Variants in KCNIP1 observed in about 807,000 individuals in gnomAD.
The protein encoded by KCNIP1 is potassium voltage-gated channel interacting protein 1.
KCNIP1 carries 18 observed loss-of-function variants against 33.0 expected under a neutral mutation model. That is an observed-to-expected ratio of 0.55 (90% CI 0.38 to 0.81). The LOEUF is 0.81. KCNIP1 is among the 30% of genes least tolerant of loss of function. The pLI, the probability that KCNIP1 is intolerant of heterozygous loss-of-function variation, is 0.00. For missense variants in KCNIP1, 238 were observed against 271.6 expected, an observed-to-expected ratio of 0.88 and a Z score of 0.87; for synonymous variants, 93 against 98.3, an observed-to-expected ratio of 0.95 and a Z score of 0.32.
intron 1 of KCNIP1, among the ~76,000 whole-genome samples, chr5:170,392,189 A>T (rs2660657): frequency 0.066 from 10,112 of 152,102 alleles, 875 homozygotes; most frequent in African/African-American, 0.2. Context: ...ACAGCTAGCA[A>T]ATCTCACCGG....
intron 1 of KCNIP1, among the ~76,000 whole-genome samples, chr5:170,575,179 T>C (rs1757556094): frequency 6.6e-6 from 1 of 152,232 alleles, no homozygotes; most frequent in Admixed American, 6.5e-5. Flanking sequence ...TGAAGTTTAT[T>C]GGTTTTGCAG....
intron 1 of KCNIP1, among the ~76,000 whole-genome samples, chr5:170,591,118 T>C (rs1359216612): frequency 6.6e-6 from 1 of 152,202 alleles, no homozygotes; most frequent in Non-Finnish European, 1.5e-5. Flanking sequence ...CTCCAGACAA[T>C]GTTCTCTGTC....
intron 1 of KCNIP1, chr5:170,712,845 C>T (rs965052716): frequency 1.9e-6 from 3 of 1,613,806 alleles, no homozygotes; most frequent in Admixed American, 1.7e-5. Context: ...TTTTCTCACT[C>T]TTTCCTAGAC....
intron 1 of KCNIP1, among the ~76,000 whole-genome samples, chr5:170,515,496 G>A (rs577568735): frequency 4.6e-5 from 7 of 152,282 alleles, no homozygotes; most frequent in African/African-American, 1.4e-4. Context: ...TTGTCCCCAA[G>A]GAACTTCTCT....
In KCNIP1 at chr5:170,722,821, G is replaced by GT; in HGVS notation, c.435+2dup. On this transcript the variant is annotated splice_donor_variant, in intron 5 of 7. Coordinates refer to ENST00000328939, the MANE Select transcript of KCNIP1 (RefSeq NM_014592.4). LOFTEE classifies it high-confidence loss of function. ...CAAGGACGGATACATAAACAAAGAG[G>GT]TAAGTGAGCTGGGGCCAGGGGTGTG... is the stretch of plus-strand genomic sequence containing the variant. The GT allele has an allele frequency of 6.2e-7, 1 of 1,601,342 alleles. No homozygotes were observed. Among genetic ancestry groups the GT allele is most frequent in the Non-Finnish European group, 8.6e-7 (1 of 1,168,600 alleles).
chr5:170,466,713 A>G (rs563496889), intron 1 of KCNIP1, among the ~76,000 whole-genome samples: 81 of 152,256 alleles, frequency 5.3e-4, no homozygotes, highest in African/African-American at 1.8e-3. Context: ...ATGTTCTCAC[A>G]TGGTAGAGGA....
intron 5 of KCNIP1, among the ~76,000 whole-genome samples, chr5:170,728,025 G>T (rs1424041410): frequency 6.6e-6 from 1 of 152,182 alleles, no homozygotes; most frequent in African/African-American, 2.4e-5. Flanking sequence ...CAGTAGCAGA[G>T]AAAGCCTATT....
chr5:170,478,560 AGGCTTACT>A (rs1756907299), intron 1 of KCNIP1, among the ~76,000 whole-genome samples: 1 of 152,174 alleles, frequency 6.6e-6, no homozygotes, highest in East Asian at 1.9e-4. Flanking sequence ...CTGTGTCCGA[AGGCTTACT>A]GCAAGACTGT....
chr5:170,591,125 T>C (rs778186587), intron 1 of KCNIP1, among the ~76,000 whole-genome samples: 1 of 152,242 alleles, frequency 6.6e-6, no homozygotes, highest in Non-Finnish European at 1.5e-5. Flanking sequence ...CAATGTTCTC[T>C]GTCATTTTCC....
chr5:170,517,167 C>G (rs1008225871), intron 1 of KCNIP1, among the ~76,000 whole-genome samples: 1 of 152,088 alleles, frequency 6.6e-6, no homozygotes, highest in Non-Finnish European at 1.5e-5. Context: ...AGGAAACTTA[C>G]AACTGTGGCA....
At chr5:170,533,272 C>T (rs2113351937) in intron 1 of KCNIP1, among the ~76,000 whole-genome samples, 1 of 152,284 alleles carries the variant, frequency 6.6e-6, no homozygotes, top group African/African-American at 2.4e-5. Context: ...CCCAGCACCT[C>T]CCTCACCTCT....
intron 1 of KCNIP1, among the ~76,000 whole-genome samples, chr5:170,691,659 C>T (rs1762722783): frequency 6.6e-6 from 1 of 152,174 alleles, no homozygotes; most frequent in African/African-American, 2.4e-5. Context: ...CTGGAAATCA[C>T]ACAACAATTC....
At chr5:170,516,596 C>T (rs535661509) in intron 1 of KCNIP1, among the ~76,000 whole-genome samples, 3 of 152,306 alleles carry the variant, frequency 2.0e-5, no homozygotes, top group African/African-American at 4.8e-5. Context: ...TCACAAGATA[C>T]GAACATCAAA....
Position 170,720,214 on chromosome 5 carries a change from C to G in KCNIP1, c.187-107C>G. 1.6e-5 allele frequency: 12 copies of G among 766,918 alleles called. 1 individual carries two copies. The South Asian group carries it at 1.8e-4, about 12-fold the overall frequency. 47.5% of individuals were successfully genotyped at this position (766,918 alleles called of 1,614,324 possible). On this transcript the variant is annotated intron_variant, in intron 2 of 7. Transcript: ENST00000328939. ...TTGGGAGAAGTGGAAATGCACAGGT[C>G]CCTGTCCCTGGGGATCATGAGGAAC...
At position 170,733,924 on chromosome 5, in the gene KCNIP1, A is replaced by T. The variant is rs767322172; in HGVS notation, c.603+26A>T. 2.5e-6 allele frequency: 4 copies of T among 1,600,694 alleles called. No homozygotes were observed. In the African/African-American group the frequency reaches 5.4e-5, roughly 21 times the overall value. ...GTAAGGAGAGATCTCAGGGCACAATAACTCTACATCTGGGAAAGGAAACCT... is the reference window on the plus strand; with the variant it reads ...GTAAGGAGAGATCTCAGGGCACAATTACTCTACATCTGGGAAAGGAAACCT... On this transcript the variant is annotated intron_variant, in intron 7 of 7. Transcript: ENST00000328939.
At chr5:170,572,955 C>G (rs1424228088) in intron 1 of KCNIP1, among the ~76,000 whole-genome samples, 1 of 152,180 alleles carries the variant, frequency 6.6e-6, no homozygotes, top group Non-Finnish European at 1.5e-5. Context: ...CTCATAACAC[C>G]CACTGTTATA....
chr5:170,416,008 G>T (rs1415810997), intron 1 of KCNIP1, among the ~76,000 whole-genome samples: 2 of 152,012 alleles, frequency 1.3e-5, no homozygotes, highest in African/African-American at 4.8e-5. Context: ...GGAGAAGGGT[G>T]CTCCAAGAGC....
chr5:170,675,569 C>A (rs1050737116), intron 1 of KCNIP1, among the ~76,000 whole-genome samples: 1 of 152,108 alleles, frequency 6.6e-6, no homozygotes. Flanking sequence ...TGCAGTGAGC[C>A]GAGATTGTGC....
chr5:170,655,092 A>G (rs1581453545), intron 1 of KCNIP1, among the ~76,000 whole-genome samples: 1 of 152,226 alleles, frequency 6.6e-6, no homozygotes, highest in Non-Finnish European at 1.5e-5. Flanking sequence ...ACAAAAGATA[A>G]AAATTGGGTA....
Sources: gnomAD v4.1 joint callset for allele counts (sites outside exome capture counted in the v4.1 genomes callset) on GRCh38, gnomAD v4.1.1 for gene constraint, MANE v1.5 for transcripts, NCBI Gene and HGNC (gene_info 2026-07-23, HGNC 2026-07-21) for gene names.